Variants in CDH13 observed in about 807,000 individuals in gnomAD.
CDH13 encodes cadherin-13.
CDH13 carries 24 observed loss-of-function variants against 63.8 expected under a neutral mutation model. The ratio of observed to expected loss-of-function variants is 0.38; its 90% CI spans 0.27 to 0.53. The LOEUF (loss-of-function observed/expected upper bound fraction) is 0.53. Ranked by LOEUF, CDH13 falls within the 20% of genes least tolerant of loss-of-function variation. The pLI is 0.85. For synonymous variants in CDH13, 503 were observed against 355.3 expected (o/e 1.42, Z -4.67); for missense variants, 1,049 against 903.1 (o/e 1.16, Z -2.07).
chr16:83,394,331 C>A (rs1308089176), intron 6 of CDH13, among the ~76,000 whole-genome samples: 1 of 151,674 alleles, frequency 6.6e-6, no homozygotes, highest in Admixed American at 6.6e-5. Context: ...TCAAGGAAAG[C>A]TGCTTGTCTG....
intron 1 of CDH13, among the ~76,000 whole-genome samples, chr16:82,773,718 T>C (rs924854203): frequency 7.9e-5 from 12 of 152,298 alleles, no homozygotes; most frequent in African/African-American, 2.9e-4. Context: ...AAATCTTGCC[T>C]TATGTTGCCA....
At chr16:83,034,591 G>A (rs780922615) in intron 3 of CDH13, among the ~76,000 whole-genome samples, 9 of 152,184 alleles carry the variant, frequency 5.9e-5, no homozygotes, top group Non-Finnish European at 1.3e-4. Flanking sequence ...ATGTTCCATA[G>A]AAACATGGAA....
At chr16:82,888,754 CT>C (rs2040978598) in intron 2 of CDH13, among the ~76,000 whole-genome samples, 7 of 152,196 alleles carry the variant, frequency 4.6e-5, no homozygotes, top group Admixed American at 4.6e-4. Flanking sequence ...TTAGCTGCCC[CT>C]AAGTGTAGTT....
At chr16:83,148,379 G>A (rs2036840831) in intron 4 of CDH13, among the ~76,000 whole-genome samples, 1 of 152,198 alleles carries the variant, frequency 6.6e-6, no homozygotes, top group Non-Finnish European at 1.5e-5. Context: ...GTGCCATGTA[G>A]GCTCATCCCT....
intron 1 of CDH13, among the ~76,000 whole-genome samples, chr16:82,784,136 A>T (rs2035894130): frequency 6.6e-6 from 1 of 152,174 alleles, no homozygotes; most frequent in African/African-American, 2.4e-5. Flanking sequence ...GTGGTTTAAC[A>T]GAACAGATGT....
intron 3 of CDH13, among the ~76,000 whole-genome samples, chr16:83,071,650 G>T (rs543238145): frequency 3.2e-4 from 48 of 152,210 alleles, no homozygotes; most frequent in Non-Finnish European, 5.4e-4. Context: ...GTACGAGCAA[G>T]CTGGACTGAA....
chr16:83,737,498 G>A (rs1314593808), intron 10 of CDH13, among the ~76,000 whole-genome samples: 1 of 151,952 alleles, frequency 6.6e-6, no homozygotes, highest in African/African-American at 2.4e-5. Context: ...TTATATCTAT[G>A]TAATAGGGTT....
At chr16:82,669,060 A>C (rs950966081) in intron 1 of CDH13, among the ~76,000 whole-genome samples, 1 of 152,222 alleles carries the variant, frequency 6.6e-6, no homozygotes, top group African/African-American at 2.4e-5. Context: ...GGGATCCACA[A>C]GCCACGGATG....
intron 10 of CDH13, chr16:83,717,980 C>T (rs758364927): frequency 5.9e-5 from 9 of 152,246 alleles, no homozygotes; most frequent in Non-Finnish European, 1.0e-4. Context: ...GGGCATTGGC[C>T]TCTGGAACAA....
intron 8 of CDH13, among the ~76,000 whole-genome samples, chr16:83,658,176 A>G (rs1339946898): frequency 4.8e-5 from 7 of 146,176 alleles, no homozygotes; most frequent in Non-Finnish European, 1.5e-5. Context: ...CTCACCAGCA[A>G]GGTCCCATAT....
chr16:83,766,042 G>T (rs1053018882), intron 11 of CDH13, among the ~76,000 whole-genome samples: 2 of 152,118 alleles, frequency 1.3e-5, no homozygotes, highest in Non-Finnish European at 2.9e-5. Context: ...CTAAATTGTG[G>T]CTCCTCTCAG....
intron 7 of CDH13, among the ~76,000 whole-genome samples, chr16:83,545,296 T>C (rs554123710): frequency 2.5e-4 from 38 of 152,304 alleles, no homozygotes; most frequent in Non-Finnish European, 4.6e-4. Flanking sequence ...AGATTGCCGA[T>C]GTTAATGAAG....
Position 83,500,006 on chromosome 16 carries a change from T to C in CDH13, c.960+13351T>C, listed in dbSNP as rs142017898. On this transcript the variant is annotated intron_variant, in intron 7 of 13. Transcript: ENST00000567109. ...TTAGTAGAGATGGGGTTTCACCATG[T>C]TGGCCAGGCTGGTCTTGAACTCATG... Among the ~76,000 whole-genome samples, 1,046 of 152,196 alleles carry C rather than the reference T, an allele frequency of 6.9e-3. 13 individuals carry two copies. Among genetic ancestry groups the C allele is most frequent in the African/African-American group, 0.024 (981 of 41,528 alleles).
At chr16:82,797,747 A>G (rs761559029) in intron 1 of CDH13, among the ~76,000 whole-genome samples, 10 of 151,232 alleles carry the variant, frequency 6.6e-5, no homozygotes, top group Non-Finnish European at 1.3e-4. Flanking sequence ...GCTAAGGTTT[A>G]CAAGGGCCCA....
At chr16:83,109,990 T>A (rs916573154) in intron 3 of CDH13, among the ~76,000 whole-genome samples, 4 of 152,256 alleles carry the variant, frequency 2.6e-5, no homozygotes, top group Admixed American at 1.3e-4. Flanking sequence ...TTGGCAAATT[T>A]TCATCCAAAG....
intron 3 of CDH13, among the ~76,000 whole-genome samples, chr16:83,087,190 G>T (rs6565117): frequency 6.6e-6 from 1 of 151,918 alleles, no homozygotes; most frequent in South Asian, 2.1e-4. Flanking sequence ...TTTTAATTCA[G>T]TTGTTTATGC....
intron 1 of CDH13, among the ~76,000 whole-genome samples, chr16:82,781,523 A>G (rs1173500247): frequency 6.6e-6 from 1 of 151,868 alleles, no homozygotes; most frequent in African/African-American, 2.4e-5. Flanking sequence ...TCACCCATCT[A>G]TTCACCTATC....
chr16:83,103,298 G>C lies in CDH13; in HGVS notation c.367-22087G>C, dbSNP rs574044766. Among the ~76,000 whole-genome samples the C allele has an allele frequency of 1.8e-4, 19 of 108,020 alleles. No homozygotes were observed. The East Asian group carries it at 4.0e-3, about 23-fold the overall frequency. 70.9% of individuals were successfully genotyped at this position (108,020 alleles called of 152,430 possible). A position where few individuals can be genotyped will look rare whatever the true frequency, so the allele number is the denominator to read the frequency against. ...CTGGCTCTGTTGCCCGGGATGAAGTGCTGTGGCGTGAACTCAGCTCTCACT... is the reference window on the plus strand; with the variant it reads ...CTGGCTCTGTTGCCCGGGATGAAGTCCTGTGGCGTGAACTCAGCTCTCACT... On this transcript the variant is annotated intron_variant, in intron 3 of 13. Transcript: ENST00000567109.
chr16:83,369,781 C>T (rs907416882), intron 6 of CDH13, among the ~76,000 whole-genome samples: 1 of 152,170 alleles, frequency 6.6e-6, no homozygotes, highest in African/African-American at 2.4e-5. Context: ...TCCTAGGTCA[C>T]TTCCTGTGAC....
Sources: gnomAD v4.1 joint callset for allele counts (sites outside exome capture counted in the v4.1 genomes callset) on GRCh38, gnomAD v4.1.1 for gene constraint, MANE v1.5 for transcripts, NCBI Gene and HGNC (gene_info 2026-07-23, HGNC 2026-07-21) for gene names.